NFAM1: variants seen among roughly 807,000 people sequenced by gnomAD.
NFAM1 encodes NFAT activation molecule 1.
In NFAM1, 17 loss-of-function variants were observed where a neutral mutation model predicts 29.0. That is an observed-to-expected ratio of 0.59 (90% CI 0.40 to 0.88). The LOEUF (loss-of-function observed/expected upper bound fraction) is 0.88, where lower values mean the gene tolerates loss of function less well. Ranked by LOEUF, NFAM1 falls within the 40% of genes least tolerant of loss-of-function variation. NFAM1 has a pLI of 0.00. For missense variants in NFAM1, 324 were observed against 344.6 expected, an observed-to-expected ratio of 0.94 and a Z score of 0.47; for synonymous variants, 175 against 147.2, an observed-to-expected ratio of 1.19 and a Z score of -1.36.
At chr22:42,408,805 C>T (rs968402209) in intron 3 of NFAM1, among the ~76,000 whole-genome samples, 3 of 152,194 alleles carry the variant, frequency 2.0e-5, no homozygotes, top group Non-Finnish European at 4.4e-5. Flanking sequence ...GAGCAGGAGC[C>T]GTCCAGGTGA....
chr22:42,424,747 G>C (rs185669057), intron 1 of NFAM1, among the ~76,000 whole-genome samples: 3 of 152,130 alleles, frequency 2.0e-5, no homozygotes, highest in Non-Finnish European at 2.9e-5. Context: ...GTCTGGGAGG[G>C]GGGTACAAGG....
intron 3 of NFAM1, among the ~76,000 whole-genome samples, chr22:42,407,143 G>A (rs1299400125): frequency 4.7e-5 from 7 of 148,676 alleles, no homozygotes; most frequent in East Asian, 2.0e-4. Context: ...GTGCAGTGGC[G>A]CCATCTCAAC....
At chr22:42,437,127 T>TTTTTC, upstream of NFAM1, 2 of 298,702 alleles carry the variant, frequency 6.7e-6, no homozygotes, top group Non-Finnish European at 4.8e-6. Flanking sequence ...GGTGGCATGA[T>TTTTTC]TTTTTCTTTT....
At chr22:42,386,510 A>C (rs1250288532) in intron 5 of NFAM1, among the ~76,000 whole-genome samples, 1 of 152,076 alleles carries the variant, frequency 6.6e-6, no homozygotes, top group Non-Finnish European at 1.5e-5. Flanking sequence ...AACCCTGACC[A>C]GGCCAGCCCA....
chr22:42,396,910 C>T (rs1272531981), intron 4 of NFAM1, among the ~76,000 whole-genome samples: 1 of 132,664 alleles, frequency 7.5e-6, no homozygotes, highest in Non-Finnish European at 1.7e-5. Flanking sequence ...AACCCAAGCA[C>T]CATCGCAGCC....
chr22:42,436,825 A>C, upstream of NFAM1: 1 of 205,018 alleles, frequency 4.9e-6, no homozygotes, highest in Non-Finnish European at 8.6e-6. Context: ...ACGCAGTGGA[A>C]CAAGGGCTCC....
rs115684118 is a variant in NFAM1, at chr22:42,403,273, C to T, written c.565-5317G>A. ...GAGCTGGAACTGAACGAAGGCCCAA[C>T]TCTGTGCTTTTAAGCCCCCTGCTGA... On this transcript the variant is annotated intron_variant, in intron 3 of 5. Transcript: ENST00000329021. Among the ~76,000 whole-genome samples, 1,397 of 152,324 alleles carry T rather than the reference C, an allele frequency of 9.2e-3. 24 individuals carry two copies. Among genetic ancestry groups the T allele is most frequent in the African/African-American group, 0.032 (1,318 of 41,560 alleles).
intron 3 of NFAM1, among the ~76,000 whole-genome samples, chr22:42,398,465 T>C (rs1929613408): frequency 6.6e-6 from 1 of 151,166 alleles, no homozygotes; most frequent in Non-Finnish European, 1.5e-5. Context: ...CAGGCTGGGG[T>C]GCAATGGTGC....
At chr22:42,406,951 A>G (rs564774779) in intron 3 of NFAM1, among the ~76,000 whole-genome samples, 2 of 151,544 alleles carry the variant, frequency 1.3e-5, no homozygotes, top group South Asian at 4.2e-4. Context: ...AATTTTTTGT[A>G]TCTTTAGTAG....
At chr22:42,403,063 C>T (rs1275529759) in intron 3 of NFAM1, among the ~76,000 whole-genome samples, 1 of 151,352 alleles carries the variant, frequency 6.6e-6, no homozygotes, top group African/African-American at 2.5e-5. Flanking sequence ...TGATCTTGAA[C>T]TCCTGACCTT....
chr22:42,428,256 G>T (rs1209491819), intron 1 of NFAM1, among the ~76,000 whole-genome samples: 1 of 152,008 alleles, frequency 6.6e-6, no homozygotes, highest in African/African-American at 2.4e-5. Flanking sequence ...TCCCCACTCC[G>T]CGGGCAGCCT....
chr22:42,421,017 G>A (rs1930426298), intron 1 of NFAM1, among the ~76,000 whole-genome samples: 1 of 152,168 alleles, frequency 6.6e-6, no homozygotes, highest in Non-Finnish European at 1.5e-5. Context: ...CAAAACAGGA[G>A]TGACCCCCGA....
intron 3 of NFAM1, among the ~76,000 whole-genome samples, chr22:42,403,274 T>G (rs1929788427): frequency 6.6e-6 from 1 of 152,220 alleles, no homozygotes; most frequent in Admixed American, 6.5e-5. Flanking sequence ...AAGGCCCAAC[T>G]CTGTGCTTTT....
chr22:42,396,815 C>T (rs1260975757), intron 4 of NFAM1, among the ~76,000 whole-genome samples: 3 of 152,236 alleles, frequency 2.0e-5, no homozygotes, highest in Admixed American at 6.5e-5. Context: ...AAGGCTGTAT[C>T]CTGGGCGTCC....
chr22:42,415,294 C>CTTTTTT (rs398037250), intron 1 of NFAM1, among the ~76,000 whole-genome samples: 55 of 94,804 alleles, frequency 5.8e-4, no homozygotes, highest in African/African-American at 1.6e-3. Context: ...TTCTTTCTTT[C>CTTTTTT]TTTTTTTTTT....
chr22:42,415,294 C>CTTTTTTTTTTTT (rs398037250), intron 1 of NFAM1, among the ~76,000 whole-genome samples: 47 of 94,802 alleles, frequency 5.0e-4, no homozygotes, highest in Non-Finnish European at 6.8e-4. Flanking sequence ...TTCTTTCTTT[C>CTTTTTTTTTTTT]TTTTTTTTTT....
chr22:42,424,658 CAAGAA>C (rs1190947846), intron 1 of NFAM1, among the ~76,000 whole-genome samples: 4 of 151,836 alleles, frequency 2.6e-5, no homozygotes, highest in African/African-American at 9.7e-5. Flanking sequence ...GTTTCAAACG[CAAGAA>C]AGTTCTCGGG....
At chr22:42,433,491 C>T (rs571140095), upstream of NFAM1, among the ~76,000 whole-genome samples, 3 of 152,266 alleles carry the variant, frequency 2.0e-5, no homozygotes, top group South Asian at 4.2e-4. Context: ...GTATGATGTC[C>T]GAGCCTTCTC....
At chr22:42,406,527 AC>A (rs1929903579) in intron 3 of NFAM1, among the ~76,000 whole-genome samples, 1 of 151,974 alleles carries the variant, frequency 6.6e-6, no homozygotes, top group Admixed American at 6.6e-5. Context: ...CTCCTGGGAC[AC>A]CCCATGCCCG....
Sources: allele counts gnomAD v4.1 joint callset (sites outside exome capture counted in the v4.1 genomes callset), GRCh38; gene constraint gnomAD v4.1.1; transcripts MANE v1.5; gene names NCBI Gene and HGNC (gene_info 2026-07-23, HGNC 2026-07-21).